ARHGEF3: variants seen among roughly 807,000 people sequenced by gnomAD.
The protein encoded by ARHGEF3 is 59.8 kDA protein.
ARHGEF3 carries 28 observed loss-of-function variants against 63.2 expected under a neutral mutation model. The observed-to-expected ratio is 0.44, with a 90% CI of 0.33 to 0.61. ARHGEF3 has a LOEUF of 0.61. ARHGEF3 is among the 20% of genes least tolerant of loss of function. The pLI is 0.03. For synonymous variants in ARHGEF3, 266 were observed against 254.2 expected, an observed-to-expected ratio of 1.05 and a Z score of -0.44; for missense variants, 533 against 659.3, an observed-to-expected ratio of 0.81 and a Z score of 2.10.
chr3:57,010,870 C>T (rs925228458), intron 2 of ARHGEF3, among the ~76,000 whole-genome samples: 5 of 152,176 alleles, frequency 3.3e-5, no homozygotes, highest in Admixed American at 2.0e-4. Flanking sequence ...CGTCTGCTCA[C>T]TCCTAATTTA....
intron 4 of ARHGEF3, among the ~76,000 whole-genome samples, chr3:56,869,150 C>T (rs1032665045): frequency 1.4e-5 from 2 of 145,398 alleles, no homozygotes; most frequent in African/African-American, 2.5e-5. Context: ...TTTTGAGGTA[C>T]GTGAGGAGTT....
chr3:57,030,078 A>G (rs1017589180), intron 2 of ARHGEF3, among the ~76,000 whole-genome samples: 3 of 152,204 alleles, frequency 2.0e-5, no homozygotes, highest in African/African-American at 7.2e-5. Context: ...GGCTTCGAGC[A>G]CTATACAAAC....
intron 2 of ARHGEF3, among the ~76,000 whole-genome samples, chr3:56,991,728 C>T (rs1303482410): frequency 2.0e-5 from 3 of 152,158 alleles, no homozygotes; most frequent in Non-Finnish European, 4.4e-5. Context: ...AATTCTCCCA[C>T]CTCCGCCTCC....
intron 2 of ARHGEF3, among the ~76,000 whole-genome samples, chr3:57,000,264 G>A (rs563749780): frequency 6.6e-6 from 1 of 151,340 alleles, no homozygotes; most frequent in East Asian, 1.9e-4. Context: ...ACAATAACCA[G>A]TGAGAGGCAG....
At chr3:56,846,928 T>C (rs2039511393) in intron 4 of ARHGEF3, among the ~76,000 whole-genome samples, 1 of 152,196 alleles carries the variant, frequency 6.6e-6, no homozygotes, top group African/African-American at 2.4e-5. Context: ...AAAACATCAA[T>C]AGTTCTTACA....
chr3:56,729,904 G>C (rs1225303332), intron 9 of ARHGEF3, among the ~76,000 whole-genome samples: 1 of 152,158 alleles, frequency 6.6e-6, no homozygotes, highest in African/African-American at 2.4e-5. Flanking sequence ...GGGGAGCCCA[G>C]AGTACTGGTG....
intron 1 of ARHGEF3, 84 bp from the exon 2 acceptor site, chr3:56,773,900 T>C (rs2036149104): frequency 1.8e-6 from 2 of 1,118,392 alleles, no homozygotes; most frequent in African/African-American, 1.6e-5. Flanking sequence ...TGTGTTCCAC[T>C]CCACAAGGTA....
chr3:56,870,269 A>G (rs536542783), intron 4 of ARHGEF3, among the ~76,000 whole-genome samples: 1 of 152,340 alleles, frequency 6.6e-6, no homozygotes, highest in South Asian at 2.1e-4. Flanking sequence ...CATCTATACA[A>G]TAAAATATTT....
intron 1 of ARHGEF3, among the ~76,000 whole-genome samples, chr3:57,051,441 T>A (rs1284377195): frequency 6.6e-6 from 1 of 151,858 alleles, no homozygotes; most frequent in South Asian, 2.1e-4. Context: ...GAGCCAAGAT[T>A]GCGCCACTGC....
intron 4 of ARHGEF3, among the ~76,000 whole-genome samples, chr3:56,810,041 G>T (rs1402854159): frequency 6.6e-6 from 1 of 152,078 alleles, no homozygotes; most frequent in East Asian, 1.9e-4. Context: ...TATTTATTTA[G>T]TTATTTATTC....
At chr3:57,018,744 C>T (rs1010932200) in intron 2 of ARHGEF3, among the ~76,000 whole-genome samples, 5 of 152,198 alleles carry the variant, frequency 3.3e-5, no homozygotes, top group African/African-American at 1.2e-4. Context: ...AAGACAGTAT[C>T]TGCCAGGTAG....
At chr3:56,936,106 G>A (rs1363398272) in intron 3 of ARHGEF3, among the ~76,000 whole-genome samples, 1 of 152,150 alleles carries the variant, frequency 6.6e-6, no homozygotes, top group African/African-American at 2.4e-5. Flanking sequence ...TGATCCAATT[G>A]AAGTTTTCTT....
intron 2 of ARHGEF3, chr3:57,007,332 C>T: frequency 2.3e-6 from 3 of 1,289,790 alleles, no homozygotes; most frequent in Non-Finnish European, 3.0e-6. Context: ...ACACCTCCAA[C>T]AGCCCTGAAG....
At chr3:56,735,806 T>A (rs1482418221) in intron 8 of ARHGEF3, among the ~76,000 whole-genome samples, 1 of 152,200 alleles carries the variant, frequency 6.6e-6, no homozygotes. Context: ...CACTGTACCA[T>A]CCACTGGATG....
intron 1 of ARHGEF3, among the ~76,000 whole-genome samples, chr3:56,784,661 A>G (rs184328819): frequency 5.8e-4 from 89 of 152,356 alleles, no homozygotes; most frequent in Admixed American, 1.8e-3. Context: ...CTGGAGTTCC[A>G]TTCCTGCTTC....
chr3:56,967,309 T>TAC (rs1409541152), intron 2 of ARHGEF3, among the ~76,000 whole-genome samples: 2 of 99,034 alleles, frequency 2.0e-5, no homozygotes, highest in African/African-American at 7.4e-5. Flanking sequence ...TTATATATTA[T>TAC]ATATTATATA....
intron 3 of ARHGEF3, among the ~76,000 whole-genome samples, chr3:56,882,562 G>T (rs1322563356): frequency 1.4e-5 from 2 of 147,326 alleles, no homozygotes; most frequent in South Asian, 4.4e-4. Flanking sequence ...CGCCCAGGCT[G>T]GGGTGCGGTG....
At chr3:56,976,333 G>A (rs140452676) in intron 2 of ARHGEF3, among the ~76,000 whole-genome samples, 1 of 152,266 alleles carries the variant, frequency 6.6e-6, no homozygotes, top group African/African-American at 2.4e-5. Flanking sequence ...GTGAGCCACT[G>A]CATCCGGTCA....
At chr3:56,945,752 T>C (rs1303760046) in intron 3 of ARHGEF3, among the ~76,000 whole-genome samples, 1 of 152,200 alleles carries the variant, frequency 6.6e-6, no homozygotes, top group Non-Finnish European at 1.5e-5. Context: ...GACTTAAATG[T>C]CCCTGTCTGA....
Sources: allele counts gnomAD v4.1 joint callset (sites outside exome capture counted in the v4.1 genomes callset), GRCh38; gene constraint gnomAD v4.1.1; transcripts MANE v1.5; gene names NCBI Gene and HGNC (gene_info 2026-07-23, HGNC 2026-07-21).